EXOC6: variants seen among roughly 807,000 people sequenced by gnomAD.
EXOC6 encodes exocyst complex component 6, also known as SEC15-like 1.
EXOC6 carries 60 observed loss-of-function variants against 112.5 expected under a neutral mutation model. The ratio of observed to expected loss-of-function variants is 0.53; its 90% confidence interval spans 0.43 to 0.66. The LOEUF (loss-of-function observed/expected upper bound fraction) is 0.66. EXOC6 is among the 30% of genes least tolerant of loss of function. The pLI is 0.00. For missense variants in EXOC6, 855 were observed against 957.1 expected, an observed-to-expected ratio of 0.89 and a Z score of 1.41; for synonymous variants, 295 against 308.0, an observed-to-expected ratio of 0.96 and a Z score of 0.44.
intron 18 of EXOC6, among the ~76,000 whole-genome samples, chr10:92,995,920 G>A (rs945444296): frequency 1.4e-4 from 21 of 152,264 alleles, no homozygotes; most frequent in African/African-American, 5.1e-4. Flanking sequence ...TTTCTAGTCT[G>A]ACTTTTAATG....
intron 1 of EXOC6, among the ~76,000 whole-genome samples, chr10:92,861,281 C>T (rs377075387): frequency 3.9e-5 from 6 of 152,170 alleles, no homozygotes; most frequent in Non-Finnish European, 7.3e-5. Context: ...CAGTGGCCTC[C>T]CTCTCTTGGA....
chr10:93,039,914 C>G (rs1476428094), intron 20 of EXOC6, among the ~76,000 whole-genome samples: 1 of 152,190 alleles, frequency 6.6e-6, no homozygotes, highest in Non-Finnish European at 1.5e-5. Flanking sequence ...GCAGCTCTCT[C>G]TAGTGGCAGG....
rs150799711 is a variant in EXOC6, at chr10:92,923,006, T to C, written c.888+2956T>C. Reference sequence around the variant, plus strand: ...ACCTGTCTTCAGAATAGTTCTTCTCTTACTGTTGGTGCTCTGCTCAGATTC... The same window carrying C: ...ACCTGTCTTCAGAATAGTTCTTCTCCTACTGTTGGTGCTCTGCTCAGATTC... On this transcript the variant is annotated intron_variant, in intron 8 of 21. Transcript: ENST00000260762. Among the ~76,000 whole-genome samples, 850 of 152,330 alleles carry C rather than the reference T, an allele frequency of 5.6e-3. 5 individuals carry two copies. The highest frequency in any genetic ancestry group is 0.017 in the African/African-American group (702 of 41,566).
At chr10:92,947,410 T>G (rs1853093049) in intron 13 of EXOC6, among the ~76,000 whole-genome samples, 1 of 152,190 alleles carries the variant, frequency 6.6e-6, no homozygotes, top group Non-Finnish European at 1.5e-5. Flanking sequence ...CCTGCCTAAC[T>G]GCAAGGGGGT....
In EXOC6 at chr10:92,871,721, C is replaced by T. The variant is rs183985091; in HGVS notation, c.102-21628C>T. On this transcript the variant is annotated intron_variant, in intron 1 of 21. Coordinates refer to ENST00000260762, the MANE Select transcript of EXOC6 (RefSeq NM_019053.6). ...ACTCAGGAGGCTGAGGCAGGAGAAT[C>T]GGTTTGAACCAGGGAGTCAGAGGTT... Among the ~76,000 whole-genome samples, 118 of 151,714 alleles carry T rather than the reference C, an allele frequency of 7.8e-4. No homozygotes were observed. The East Asian group carries it at 0.018, about 23-fold the overall frequency.
chr10:92,972,207 A>T (rs1052424259), intron 17 of EXOC6, among the ~76,000 whole-genome samples: 1 of 152,236 alleles, frequency 6.6e-6, no homozygotes, highest in Non-Finnish European at 1.5e-5. Flanking sequence ...CTGCTTGCAC[A>T]TGATACCAGT....
chr10:93,014,115 G>C, intron 19 of EXOC6, 79 bp from the exon 20 acceptor site: 1 of 1,025,776 alleles, frequency 9.7e-7, no homozygotes, highest in Non-Finnish European at 1.5e-6. Context: ...TTTATAATGA[G>C]TAGAAATTAA....
At chr10:92,903,979 G>A (rs963070758) in intron 5 of EXOC6, among the ~76,000 whole-genome samples, 3 of 151,882 alleles carry the variant, frequency 2.0e-5, no homozygotes, top group South Asian at 2.1e-4. Context: ...CTGTGAACCC[G>A]TACCAATTAC....
At chr10:92,975,600 G>C (rs1377696579) in intron 18 of EXOC6, among the ~76,000 whole-genome samples, 6 of 142,262 alleles carry the variant, frequency 4.2e-5, no homozygotes, top group South Asian at 2.3e-4. Flanking sequence ...CAGCCGCCCC[G>C]TCCGGGAGGG....
chr10:92,987,999 T>C (rs1245971781), intron 18 of EXOC6, among the ~76,000 whole-genome samples: 2 of 152,228 alleles, frequency 1.3e-5, no homozygotes, highest in African/African-American at 4.8e-5. Flanking sequence ...CTAAAATGTT[T>C]AGAAAAGTGC....
At chr10:92,925,828 TA>T (rs1208133509) in intron 8 of EXOC6, among the ~76,000 whole-genome samples, 10 of 150,924 alleles carry the variant, frequency 6.6e-5, no homozygotes, top group Non-Finnish European at 7.4e-5. Flanking sequence ...CCTGGCTAAT[TA>T]AAAAAAAAAT....
intron 17 of EXOC6, among the ~76,000 whole-genome samples, chr10:92,959,049 A>G (rs921451047): frequency 7.9e-5 from 12 of 152,034 alleles, no homozygotes; most frequent in Non-Finnish European, 5.9e-5. Context: ...AGCCGAGATC[A>G]TACCACTGCA....
chr10:92,867,390 A>T (rs1442806949), intron 1 of EXOC6, among the ~76,000 whole-genome samples: 1 of 152,120 alleles, frequency 6.6e-6, no homozygotes, highest in Non-Finnish European at 1.5e-5. Context: ...CAGAACATAT[A>T]ATTTGTAGAG....
chr10:92,959,429 A>G (rs1407915148), intron 17 of EXOC6, among the ~76,000 whole-genome samples: 1 of 152,164 alleles, frequency 6.6e-6, no homozygotes, highest in Admixed American at 6.5e-5. Context: ...AATCTAGATG[A>G]CCTTGGGTGG....
intron 19 of EXOC6, among the ~76,000 whole-genome samples, chr10:93,013,070 G>T (rs1372187236): frequency 6.6e-6 from 1 of 151,882 alleles, no homozygotes; most frequent in Non-Finnish European, 1.5e-5. Flanking sequence ...TTAATGGGGT[G>T]GGAAAATGAT....
chr10:92,870,367 C>T (rs759191207), intron 1 of EXOC6, among the ~76,000 whole-genome samples: 2 of 152,140 alleles, frequency 1.3e-5, no homozygotes, highest in Non-Finnish European at 2.9e-5. Flanking sequence ...GTTTCTTCTG[C>T]ATCTATGGAG....
intron 12 of EXOC6, among the ~76,000 whole-genome samples, chr10:92,938,250 T>C (rs893217547): frequency 6.6e-6 from 1 of 152,124 alleles, no homozygotes. Context: ...CAAGGATACC[T>C]TTCTCATATT....
chr10:92,915,821 A>G lies in EXOC6; in HGVS notation c.727A>G (p.Asn243Asp). 2 of 1,534,366 alleles carry G rather than the reference A, an allele frequency of 1.3e-6. No homozygotes were observed. ...ACAAAATAAAATGAAATTTGGGAAAAATATGTATATAAATCGTGATAGAAT... is the reference window on the plus strand; with the variant it reads ...ACAAAATAAAATGAAATTTGGGAAAGATATGTATATAAATCGTGATAGAAT... ...QKQNKMKFGK[N>D]MYINRDRIPE... The change falls in exon 7 of 22, where the codon AAT becomes GAT. Residue 243 changes from asparagine (N) to aspartate (D), a missense_variant. Asn to Asp is a conservative substitution (Grantham distance 23). This residue lies in a region of EXOC6 where 405 missense variants were observed against 393.6 expected (regional missense o/e 1.03). Coordinates refer to ENST00000260762, the MANE Select transcript of EXOC6 (RefSeq NM_019053.6).
At chr10:93,052,119 C>A (rs887142136) in intron 20 of EXOC6, among the ~76,000 whole-genome samples, 1 of 152,144 alleles carries the variant, frequency 6.6e-6, no homozygotes, top group African/African-American at 2.4e-5. Flanking sequence ...ACCCAAAAGA[C>A]CCAAAACAAA....
Sources: gnomAD v4.1 joint callset for allele counts (sites outside exome capture counted in the v4.1 genomes callset) on GRCh38, gnomAD v4.1.1 for gene constraint, gnomAD v4.1.1 regional missense constraint, MANE v1.5 for transcripts, NCBI Gene and HGNC (gene_info 2026-07-23, HGNC 2026-07-21) for gene names.